The following FMNL2 variants were observed in gnomAD, a reference collection of about 807,000 sequenced individuals.
FMNL2 encodes the protein formin like 2.
In FMNL2, 51 loss-of-function variants were observed where a neutral mutation model predicts 130.2. The ratio of observed to expected loss-of-function variants is 0.39; its 90% CI spans 0.31 to 0.49. The LOEUF (loss-of-function observed/expected upper bound fraction) is 0.49, where lower values mean the gene tolerates loss of function less well. Among genes scored for constraint, FMNL2 ranks in the 20% least tolerant of loss-of-function variants. The pLI, the probability that FMNL2 is intolerant of heterozygous loss-of-function variation, is 0.85. For missense variants in FMNL2, 977 were observed against 1,316.2 expected (o/e 0.74, Z 3.99); for synonymous variants, 465 against 467.1 (o/e 1.00, Z 0.06).
At chr2:152,541,733 A>G (rs568669305) in intron 2 of FMNL2, among the ~76,000 whole-genome samples, 3 of 152,210 alleles carry the variant, frequency 2.0e-5, no homozygotes, top group Admixed American at 6.6e-5. Flanking sequence ...AATGTCACCT[A>G]TTTTATAAGT....
chr2:152,515,385 T>C (rs199978021), intron 1 of FMNL2, among the ~76,000 whole-genome samples: 1 of 152,198 alleles, frequency 6.6e-6, no homozygotes, highest in Admixed American at 6.5e-5. Context: ...GATTTGACAC[T>C]GTACCTTGCT....
chr2:152,379,456 T>A (rs1684344881), intron 1 of FMNL2, among the ~76,000 whole-genome samples: 1 of 152,222 alleles, frequency 6.6e-6, no homozygotes. Flanking sequence ...AGATCTGGGC[T>A]GCCTTGATAT....
chr2:152,542,846 G>C, intron 3 of FMNL2, 27 bp downstream of exon 3: 1 of 1,608,688 alleles, frequency 6.2e-7, no homozygotes, highest in Non-Finnish European at 8.5e-7. Flanking sequence ...TCCACTCTTT[G>C]TTATTGCTTC....
chr2:152,469,686 A>G (rs1246570416), intron 1 of FMNL2, among the ~76,000 whole-genome samples: 2 of 152,232 alleles, frequency 1.3e-5, no homozygotes, highest in African/African-American at 4.8e-5. Context: ...TTAATTGAGC[A>G]TGCAATTAAG....
In FMNL2 at chr2:152,549,740, C is replaced by A. The variant is rs139606097; in HGVS notation, c.359+643C>A. 5.2e-3 allele frequency among the ~76,000 whole-genome samples: 792 copies of A among 152,228 alleles called. 5 individuals carry two copies. Among genetic ancestry groups the A allele is most frequent in the African/African-American group, 0.017 (695 of 41,534 alleles). On this transcript the variant is annotated intron_variant, in intron 4 of 25. Coordinates refer to ENST00000288670, the MANE Select transcript of FMNL2 (RefSeq NM_052905.4). The stretch of plus-strand genomic sequence containing the variant: ...ACAGCAATATTATATTCTCCCTTAC[C>A]CCTGGGTGGCCTAATTGTACTATGT...
chr2:152,638,564 A>T (rs1337195218), intron 23 of FMNL2, among the ~76,000 whole-genome samples: 1 of 152,240 alleles, frequency 6.6e-6, no homozygotes, highest in African/African-American at 2.4e-5. Context: ...TCAGAAAGTC[A>T]AAATATTCTT....
In FMNL2 at chr2:152,631,437, G is replaced by A. The variant is rs112531929; in HGVS notation, c.2551-571G>A. ...AAAATAGAGCAGTTAAATAAAACAC[G>A]TTACTTGAACACAAACACTGCAATA... On this transcript the variant is annotated intron_variant, in intron 20 of 25. Coordinates refer to ENST00000288670, the MANE Select transcript of FMNL2 (RefSeq NM_052905.4). 8.2e-5 allele frequency among the ~76,000 whole-genome samples: 12 copies of A among 147,222 alleles called. 1 individual carries two copies. Among genetic ancestry groups the A allele is most frequent in the African/African-American group, 3.0e-4 (12 of 40,074 alleles).
chr2:152,617,000 C>A, intron 12 of FMNL2, 91 bp from the exon 13 acceptor site: 2 of 1,040,734 alleles, frequency 1.9e-6, no homozygotes, highest in Non-Finnish European at 2.9e-6. Context: ...GGGCCCTGGT[C>A]CCTAATAATC....
chr2:152,494,763 C>G (rs551565085), intron 1 of FMNL2, among the ~76,000 whole-genome samples: 1 of 152,122 alleles, frequency 6.6e-6, no homozygotes, highest in South Asian at 2.1e-4. Context: ...TTCTCATGTG[C>G]CTTGACTATT....
At chr2:152,584,626 G>C (rs1195499226) in intron 9 of FMNL2, among the ~76,000 whole-genome samples, 1 of 152,188 alleles carries the variant, frequency 6.6e-6, no homozygotes, top group Non-Finnish European at 1.5e-5. Flanking sequence ...TGTATCTTAA[G>C]TAGTTTATGT....
At position 152,578,916 on chromosome 2, in the gene FMNL2, C is replaced by T. The variant is rs1230466063; in HGVS notation, c.734C>T (p.Pro245Leu). 1 of 1,613,234 alleles carries T rather than the reference C, an allele frequency of 6.2e-7. No homozygotes were observed. The highest frequency in any genetic ancestry group is 8.5e-7 in the Non-Finnish European group (1 of 1,179,576). Residue 245 changes from proline (P) to leucine (L), a missense_variant, in exon 8 of 26, where the codon CCA becomes CTA. By Grantham distance (98) the Pro-to-Leu change is moderately conservative (BLOSUM62 -3). Coordinates refer to ENST00000288670, the MANE Select transcript of FMNL2 (RefSeq NM_052905.4). The part of the protein sequence containing the change: ...QYGFNMVMSH[P>L]HAVNEIALSL... ...GGTTTCAACATGGTCATGTCTCATC[C>T]ACACGCTGTCAATGAGATTGCACTA...
At chr2:152,441,393 A>G (rs1165021989) in intron 1 of FMNL2, among the ~76,000 whole-genome samples, 1 of 152,178 alleles carries the variant, frequency 6.6e-6, no homozygotes, top group Non-Finnish European at 1.5e-5. Flanking sequence ...GGGAGGAAAG[A>G]CAGAGTGGTA....
intron 9 of FMNL2, among the ~76,000 whole-genome samples, chr2:152,606,844 A>G (rs1262269252): frequency 6.6e-6 from 1 of 151,776 alleles, no homozygotes; most frequent in Non-Finnish European, 1.5e-5. Flanking sequence ...TATAGCTTCC[A>G]CGGTGTCTAT....
chr2:152,449,492 T>G (rs1231231162), intron 1 of FMNL2, among the ~76,000 whole-genome samples: 1 of 152,202 alleles, frequency 6.6e-6, no homozygotes, highest in Non-Finnish European at 1.5e-5. Context: ...GGGGCTCTCA[T>G]CCTTGCAGGG....
intron 1 of FMNL2, among the ~76,000 whole-genome samples, chr2:152,410,812 A>AC (rs771402552): frequency 1.1e-4 from 17 of 151,362 alleles, no homozygotes; most frequent in East Asian, 3.9e-4. Context: ...TTGAAATGAG[A>AC]CCCCCCCTTG....
Position 152,638,382 on chromosome 2 carries a change from A to C in FMNL2, c.2946+708A>C, listed in dbSNP as rs1024710737. Among the ~76,000 whole-genome samples, 3 of 152,218 alleles carry C rather than the reference A, an allele frequency of 2.0e-5. No individual in the cohort carries two copies. The South Asian group carries it at 6.2e-4, about 31-fold the overall frequency. On this transcript the variant is annotated intron_variant, in intron 23 of 25. Transcript: ENST00000288670. Reference sequence around the variant, plus strand: ...ATATCCTCCAGGCGTATCTTCATGTAGCACTGATAACACTGGTGGAGGTAG... The same window carrying C: ...ATATCCTCCAGGCGTATCTTCATGTCGCACTGATAACACTGGTGGAGGTAG...
rs115249794 is a variant in FMNL2, at chr2:152,368,531, A to G, written c.117+32811A>G. ...CCTTGAGGGAACTTCAAACCCAAAAAGTACCTCCTCTCTTTTCTGAAGGAT... is the reference window on the plus strand; with the variant it reads ...CCTTGAGGGAACTTCAAACCCAAAAGGTACCTCCTCTCTTTTCTGAAGGAT... On this transcript the variant is annotated intron_variant, in intron 1 of 25. Coordinates refer to ENST00000288670, the MANE Select transcript of FMNL2 (RefSeq NM_052905.4). 5.5e-3 allele frequency among the ~76,000 whole-genome samples: 843 copies of G among 152,240 alleles called. 13 individuals are homozygous for G. The highest frequency in any genetic ancestry group is 0.019 in the African/African-American group (788 of 41,544).
chr2:152,400,109 G>A (rs1685603199), intron 1 of FMNL2, among the ~76,000 whole-genome samples: 1 of 152,180 alleles, frequency 6.6e-6, no homozygotes, highest in Admixed American at 6.5e-5. Context: ...ATAGAGATTG[G>A]AGATGGCAAC....
At chr2:152,462,455 A>G (rs1689303056) in intron 1 of FMNL2, among the ~76,000 whole-genome samples, 1 of 152,208 alleles carries the variant, frequency 6.6e-6, no homozygotes. Flanking sequence ...GGTTTAATTG[A>G]TGGAGATGAC....
Sources: gnomAD v4.1 joint callset for allele counts (sites outside exome capture counted in the v4.1 genomes callset) on GRCh38, gnomAD v4.1.1 for gene constraint, MANE v1.5 for transcripts, NCBI Gene and HGNC (gene_info 2026-07-23, HGNC 2026-07-21) for gene names.